MAPK8IP3: variants seen among roughly 807,000 people sequenced by gnomAD.
The protein encoded by MAPK8IP3 is mitogen-activated protein kinase 8 interacting protein 3.
In MAPK8IP3, 49 loss-of-function variants were observed where a neutral mutation model predicts 157.8. The observed-to-expected ratio is 0.31, with a 90% CI of 0.25 to 0.39. MAPK8IP3 has a LOEUF of 0.39. MAPK8IP3 is among the 10% of genes least tolerant of loss of function. The probability of loss-of-function intolerance (pLI) is 1.00; values close to 1 mark genes in which losing one functional copy is unlikely to be tolerated. For missense variants in MAPK8IP3, 1,478 were observed against 1,889.4 expected, an observed-to-expected ratio of 0.78 and a Z score of 4.04; for synonymous variants, 897 against 777.7, an observed-to-expected ratio of 1.15 and a Z score of -2.55.
At chr16:1,738,797 G>A (rs1223742671) in intron 4 of MAPK8IP3, among the ~76,000 whole-genome samples, 1 of 140,468 alleles carries the variant, frequency 7.1e-6, no homozygotes, top group Non-Finnish European at 1.6e-5. Context: ...CCGTGTGAGT[G>A]TGACCACCCA....
intron 4 of MAPK8IP3, among the ~76,000 whole-genome samples, chr16:1,735,845 GC>G (rs1251710152): frequency 1.5e-4 from 20 of 137,400 alleles, no homozygotes; most frequent in Non-Finnish European, 1.1e-4. Context: ...GAGCGTGACC[GC>G]CCGTGTGAGC....
chr16:1,746,817 C>CCGGA, intron 5 of MAPK8IP3: 1 of 597,650 alleles, frequency 1.7e-6, no homozygotes, highest in East Asian at 2.9e-5. Flanking sequence ...TTCCGAGGAG[C>CCGGA]CGGAGTCAGT....
At chr16:1,762,273 G>A (rs577114855) in intron 13 of MAPK8IP3, 78 bp from the exon 14 acceptor site, 146 of 1,485,108 alleles carry the variant, frequency 9.8e-5, no homozygotes, top group South Asian at 3.7e-4. Context: ...CCACCTATAC[G>A]TGTAGGCACC....
chr16:1,723,002 A>ATTT (rs1477392398), intron 1 of MAPK8IP3, among the ~76,000 whole-genome samples: 8 of 149,504 alleles, frequency 5.4e-5, no homozygotes, highest in Non-Finnish European at 8.9e-5. Context: ...TGCCTGGCCA[A>ATTT]TTTTTTTTGT....
intron 1 of MAPK8IP3, among the ~76,000 whole-genome samples, chr16:1,721,553 G>A (rs1596563928): frequency 6.6e-6 from 1 of 152,124 alleles, no homozygotes; most frequent in East Asian, 1.9e-4. Flanking sequence ...GACCTCCTGG[G>A]CTCAGGTGAT....
intron 3 of MAPK8IP3, 89 bp from the exon 4 acceptor site, chr16:1,729,398 C>A: frequency 7.3e-7 from 1 of 1,375,378 alleles, no homozygotes; most frequent in Non-Finnish European, 1.0e-6. Flanking sequence ...TTTCTGCCTG[C>A]ACAGGGCAGC....
Position 1,743,625 on chromosome 16 carries a change from C to A in MAPK8IP3, c.747+149C>A, listed in dbSNP as rs554723593. On this transcript the variant is annotated intron_variant, in intron 5 of 31. Transcript: ENST00000610761. This position sits in a 1 kb window ranked among gnomAD's most constrained non-coding sequence, Gnocchi z 5.6. ...TCGTGTGTGGCAGGATGGAGAAACC[C>A]AGCCAGGGTGTCAGGGGCTCAGGCT... is the stretch of plus-strand genomic sequence containing the variant. 2.8e-6 allele frequency: 4 copies of A among 1,449,054 alleles called. No homozygotes were observed. In the South Asian group the frequency reaches 5.6e-5, roughly 20 times the overall value. 89.8% of individuals were successfully genotyped at this position (1,449,054 alleles called of 1,614,324 possible).
Position 1,747,215 on chromosome 16 carries a change from A to C in MAPK8IP3, c.934A>C (p.Lys312Gln). Residue 312 changes from lysine (K) to glutamine (Q), a missense_variant, in exon 6 of 32, where the codon AAG (lysine) becomes CAG (glutamine). Physicochemically the swap from Lys to Gln is moderately conservative, Grantham distance 53. Around this residue, in one of 11 missense-constraint regions of MAPK8IP3, gnomAD observed 315 missense variants for 394.4 expected, o/e 0.80. Transcript: ENST00000610761. ...CAAGAACAGCAAGCGTGCCCGGGAG[A>C]AGCGCGACAGCCGCAACATGGAAGT... is the stretch of plus-strand genomic sequence containing the variant. ...GSKNSKRARE[K>Q]RDSRNMEVQV... 1 of 1,613,682 alleles carries C rather than the reference A, an allele frequency of 6.2e-7. No individual in the cohort carries two copies. Among genetic ancestry groups the C allele is most frequent in the Non-Finnish European group, 8.5e-7 (1 of 1,180,010 alleles).
At chr16:1,737,490 G>T (rs2040067063) in intron 4 of MAPK8IP3, among the ~76,000 whole-genome samples, 1 of 106,144 alleles carries the variant, frequency 9.4e-6, no homozygotes, top group African/African-American at 3.7e-5. Flanking sequence ...GACCGTCCGT[G>T]TGAGCGTCCG....
chr16:1,750,714 G>A (rs1049499541), intron 8 of MAPK8IP3, among the ~76,000 whole-genome samples: 5 of 151,018 alleles, frequency 3.3e-5, no homozygotes, highest in African/African-American at 7.3e-5. Flanking sequence ...GTGCGATCTC[G>A]GCTCACTGCA....
At position 1,763,094 on chromosome 16, in the gene MAPK8IP3, G is replaced by A. The variant is rs553135965; in HGVS notation, c.1898+88G>A. On this transcript the variant is annotated intron_variant, in intron 16 of 31. Transcript: ENST00000610761. ...CTCCTCCCCTCCAGGCCCTGAAGCG[G>A]GACTTTGAGGGCAGCCTCCACCTTG... 35 of 1,536,704 alleles carry A rather than the reference G, an allele frequency of 2.3e-5. No individual in the cohort carries two copies. In the East Asian group the frequency reaches 7.0e-4, roughly 31 times the overall value.
In MAPK8IP3 at chr16:1,766,599, G is replaced by C; in HGVS notation, c.2890G>C (p.Ala964Pro). The C allele has an allele frequency of 6.2e-7, 1 of 1,612,436 alleles. No individual in the cohort carries two copies. The highest frequency in any genetic ancestry group is 1.7e-4 in the Middle Eastern group (1 of 6,052). The change falls in exon 23 of 32, where the codon GCA becomes CCA. Residue 964 changes from alanine to proline, a missense_variant. Transcript: ENST00000610761. Reference sequence around the variant, plus strand: ...AGAGCCCAGCGGGGACCCCACGGGAGCAGGCAGCAGTGCTGCACCCACCAT... The same window carrying C: ...AGAGCCCAGCGGGGACCCCACGGGACCAGGCAGCAGTGCTGCACCCACCAT... ...EPEPSGDPTGAGSSAAPTMWL... is the reference protein window; with the variant it reads ...EPEPSGDPTGPGSSAAPTMWL...
chr16:1,738,720 T>TGA (rs144474307), intron 4 of MAPK8IP3, among the ~76,000 whole-genome samples: 11,093 of 106,172 alleles, frequency 0.1, 1,127 homozygotes, highest in East Asian at 0.23. Flanking sequence ...AGCATCCGTG[T>TGA]GAGTGTGACC....
chr16:1,739,294 C>G (rs117326823), intron 4 of MAPK8IP3, among the ~76,000 whole-genome samples: 17,371 of 82,950 alleles, frequency 0.21, 1,901 homozygotes, highest in East Asian at 0.36. Context: ...CCATGTGAGC[C>G]TGTGACCGTC....
At chr16:1,767,431 GAACAGGCGCAA>G in intron 26 of MAPK8IP3, 122 bp from the exon 27 acceptor site, 1 of 1,498,940 alleles carries the variant, frequency 6.7e-7, no homozygotes, top group South Asian at 1.2e-5. Flanking sequence ...ACTCAGGCTC[GAACAGGCGCAA>G]AGCAGGCGCT....
chr16:1,746,706 C>T (rs756636257), intron 5 of MAPK8IP3: 4 of 353,680 alleles, frequency 1.1e-5, no homozygotes, highest in Admixed American at 4.4e-5. Context: ...AGGGGGCTGC[C>T]GCTGTGTCCC....
At chr16:1,754,540 A>G (rs2041480611) in intron 8 of MAPK8IP3, among the ~76,000 whole-genome samples, 1 of 152,152 alleles carries the variant, frequency 6.6e-6, no homozygotes, top group African/African-American at 2.4e-5. Context: ...GTGGGAGGCC[A>G]GGGTGGGCGG....
chr16:1,761,221 C>A lies in MAPK8IP3; in HGVS notation c.1458-3C>A. ...CCTCCCTGCCTCCTTCCCCTTCCCACAGAGTGAAGTCCGAGGCCATCATCG... is the reference window on the plus strand; with the variant it reads ...CCTCCCTGCCTCCTTCCCCTTCCCAAAGAGTGAAGTCCGAGGCCATCATCG... On this transcript the variant is annotated splice_polypyrimidine_tract_variant and splice_region_variant and intron_variant, in intron 12 of 31. Coordinates refer to ENST00000610761, the MANE Select transcript of MAPK8IP3 (RefSeq NM_001318852.2). The A allele has an allele frequency of 6.2e-7, 1 of 1,613,302 alleles. No individual in the cohort carries two copies.
In MAPK8IP3 at chr16:1,739,606, G is replaced by A. The variant is rs568702177; in HGVS notation, c.603-3726G>A. The stretch of plus-strand genomic sequence containing the variant: ...CGTCCGTGTGTGACCGTCCGTGTGA[G>A]CTTCCGTGTGACCGTCCGTGTGAGC... On this transcript the variant is annotated intron_variant, in intron 4 of 31. Transcript: ENST00000610761. Among the ~76,000 whole-genome samples, 10 of 135,168 alleles carry A rather than the reference G, an allele frequency of 7.4e-5. 1 individual carries two copies. The highest frequency in any genetic ancestry group is 2.6e-4 in the African/African-American group (9 of 35,188). 88.7% of individuals were successfully genotyped at this position (135,168 alleles called of 152,430 possible).
Sources: allele counts gnomAD v4.1 joint callset (sites outside exome capture counted in the v4.1 genomes callset), GRCh38; gene constraint gnomAD v4.1.1; regional missense constraint gnomAD v4.1.1; non-coding constraint Gnocchi (gnomAD v3.1); transcripts MANE v1.5; gene names NCBI Gene and HGNC (gene_info 2026-07-23, HGNC 2026-07-21).